Variants in MLLT10 observed in about 807,000 individuals in gnomAD.
MLLT10 encodes MLLT10 histone lysine methyltransferase DOT1L cofactor.
In MLLT10, 30 loss-of-function variants were observed where a neutral mutation model predicts 129.1. The ratio of observed to expected loss-of-function variants is 0.23; its 90% CI spans 0.17 to 0.32. MLLT10 has a LOEUF of 0.32. MLLT10 is among the 10% of genes least tolerant of loss of function. The pLI is 1.00. For synonymous variants in MLLT10, 490 were observed against 446.4 expected (o/e 1.10, Z -1.23); for missense variants, 1,119 against 1,268.3 (o/e 0.88, Z 1.79).
At chr10:21,638,411 C>T (rs1374057454) in intron 8 of MLLT10, among the ~76,000 whole-genome samples, 1 of 152,032 alleles carries the variant, frequency 6.6e-6, no homozygotes, top group East Asian at 1.9e-4. Context: ...TTTAATTCCC[C>T]AAAGACCCCA....
At chr10:21,584,796 T>TAA (rs1374331187) in intron 3 of MLLT10, among the ~76,000 whole-genome samples, 3 of 151,814 alleles carry the variant, frequency 2.0e-5, no homozygotes, top group Non-Finnish European at 2.9e-5. Flanking sequence ...TATATATATA[T>TAA]AATGTGTGTG....
chr10:21,687,234 A>G (rs2053397333), intron 13 of MLLT10, among the ~76,000 whole-genome samples: 1 of 152,192 alleles, frequency 6.6e-6, no homozygotes, highest in African/African-American at 2.4e-5. Flanking sequence ...AGAGGTGAAC[A>G]TTCTCCCTCA....
In MLLT10 at chr10:21,556,521, G is replaced by C. The variant is rs189239254; in HGVS notation, c.240+17609G>C. 2.9e-4 allele frequency: 194 copies of C among 679,044 alleles called. 1 individual carries two copies. In the Admixed American group the frequency reaches 3.2e-3, roughly 11 times the overall value. 42.1% of individuals were successfully genotyped at this position (679,044 alleles called of 1,614,324 possible). Reference sequence around the variant, plus strand: ...TTCTTCAGCTGCTCCTGGTGTCTCTGAGTGTAGATTTCTTCCATTTACCCT... The same window carrying C: ...TTCTTCAGCTGCTCCTGGTGTCTCTCAGTGTAGATTTCTTCCATTTACCCT... On this transcript the variant is annotated intron_variant, in intron 3 of 22. Transcript: ENST00000307729.
At chr10:21,665,301 TG>T (rs60935994) in intron 9 of MLLT10, among the ~76,000 whole-genome samples, 13,795 of 112,302 alleles carry the variant, frequency 0.12, 1,176 homozygotes, top group African/African-American at 0.26. Context: ...TTGTTTTTTT[TG>T]GGGGGGGGGG....
In MLLT10 at chr10:21,673,852, A is replaced by G. The variant is rs780839637; in HGVS notation, c.1554A>G (p.Lys518=). 2 of 1,614,020 alleles carry G rather than the reference A, an allele frequency of 1.2e-6. No individual in the cohort carries two copies. Among genetic ancestry groups the G allele is most frequent in the Non-Finnish European group, 1.7e-6 (2 of 1,179,952 alleles). ...AGSITSSSLQ[K]SPTLLRNGSL... Reference sequence around the variant, plus strand: ...GCATAACAAGCTCTAGTCTGCAGAAATCTCCTACATTGCTCAGGAATGGAA... The same window carrying G: ...GCATAACAAGCTCTAGTCTGCAGAAGTCTCCTACATTGCTCAGGAATGGAA... The change falls in exon 11 of 23, where the codon AAA becomes AAG. Residue 518 remains lysine, a synonymous_variant. Transcript: ENST00000307729.
At chr10:21,613,129 G>A (rs1214724285) in intron 6 of MLLT10, among the ~76,000 whole-genome samples, 1 of 137,260 alleles carries the variant, frequency 7.3e-6, no homozygotes, top group Non-Finnish European at 1.5e-5. Context: ...GGGAGGTGGA[G>A]TTTGCAGTGA....
At chr10:21,634,272 A>T (rs1430057056) in intron 8 of MLLT10, among the ~76,000 whole-genome samples, 2 of 152,120 alleles carry the variant, frequency 1.3e-5, no homozygotes, top group African/African-American at 4.8e-5. Flanking sequence ...CTTTCATGAC[A>T]TTGACATTTT....
chr10:21,719,555 G>A lies in MLLT10; in HGVS notation c.1878+5605G>A, dbSNP rs77526242. 1.0e-3 allele frequency among the ~76,000 whole-genome samples: 153 copies of A among 152,238 alleles called. 1 individual carries two copies. Among genetic ancestry groups the A allele is most frequent in the African/African-American group, 3.6e-3 (148 of 41,554 alleles). ...GCTAAGAGGTATCTCCTTGGAAAAC[G>A]TTGTTAGTAATTTTACTGTGTTCAT... On this transcript the variant is annotated intron_variant, in intron 14 of 22. Transcript: ENST00000307729.
intron 8 of MLLT10, among the ~76,000 whole-genome samples, chr10:21,630,287 A>T (rs1365500724): frequency 6.6e-6 from 1 of 152,248 alleles, no homozygotes; most frequent in Non-Finnish European, 1.5e-5. Context: ...TACAGGAGAT[A>T]TTGGAGCATG....
In MLLT10 at chr10:21,734,090, C is replaced by G. The variant is rs771146817; in HGVS notation, c.2819C>G (p.Pro940Arg). The change falls in exon 20 of 23, where the codon CCT (proline) becomes CGT (arginine). Residue 940 changes from proline (P) to arginine (R), a missense_variant. This residue lies in a region of MLLT10 where 1,004 missense variants were observed against 1,008.7 expected (regional missense o/e 1.00). Coordinates refer to ENST00000307729, the MANE Select transcript of MLLT10 (RefSeq NM_001195626.3). ...PTPLTHTTVP[P>R]NATHPMPATL... Reference sequence around the variant, plus strand: ...CCTCTCACCCACACAACCGTACCACCTAATGCAACACATCCAATGCCAGCT... The same window carrying G: ...CCTCTCACCCACACAACCGTACCACGTAATGCAACACATCCAATGCCAGCT... The G allele has an allele frequency of 1.9e-6, 3 of 1,613,118 alleles. No individual in the cohort carries two copies. Among genetic ancestry groups the G allele is most frequent in the Admixed American group, 3.3e-5 (2 of 59,966 alleles).
chr10:21,724,590 C>A (rs2057349445), intron 14 of MLLT10, among the ~76,000 whole-genome samples: 1 of 152,138 alleles, frequency 6.6e-6, no homozygotes, highest in Non-Finnish European at 1.5e-5. Context: ...TGATTTCATT[C>A]ATGAAAAAGA....
rs1384731174 is a variant in MLLT10, at chr10:21,571,500, C to T, written c.241-14794C>T. On this transcript the variant is annotated intron_variant, in intron 3 of 22. Coordinates refer to ENST00000307729, the MANE Select transcript of MLLT10 (RefSeq NM_001195626.3). ...CAAGGCAGTAAGCTGGGCACACGTG[C>T]GGCCCATTTGTTTTTTGTCTTCCAG... Among the ~76,000 whole-genome samples the T allele has an allele frequency of 2.6e-5, 4 of 152,184 alleles. No homozygotes were observed. The East Asian group carries it at 5.8e-4, about 22-fold the overall frequency.
At chr10:21,587,678 C>T (rs529719078) in intron 4 of MLLT10, among the ~76,000 whole-genome samples, 6 of 152,210 alleles carry the variant, frequency 3.9e-5, no homozygotes, top group Admixed American at 3.3e-4. Context: ...TGGGTAGCCA[C>T]TTCTAAAGTA....
At chr10:21,614,956 T>A in intron 7 of MLLT10, 32 bp downstream of exon 7, 1 of 1,520,076 alleles carries the variant, frequency 6.6e-7, no homozygotes, top group Non-Finnish European at 9.0e-7. Context: ...AATGAAATGA[T>A]TATGATTAGT....
chr10:21,738,619 C>G, intron 21 of MLLT10: 2 of 1,167,510 alleles, frequency 1.7e-6, no homozygotes, highest in Non-Finnish European at 2.2e-6. Flanking sequence ...CTTGACTCTG[C>G]TTCCCCCAGA....
At chr10:21,614,228 A>G (rs1306672588) in intron 6 of MLLT10, among the ~76,000 whole-genome samples, 4 of 129,262 alleles carry the variant, frequency 3.1e-5, no homozygotes, top group Admixed American at 3.0e-4. Flanking sequence ...TTTTTTTCAA[A>G]AAAAAAAAAA....
intron 8 of MLLT10, among the ~76,000 whole-genome samples, chr10:21,635,718 T>G (rs1445211669): frequency 6.6e-6 from 1 of 151,660 alleles, no homozygotes; most frequent in Non-Finnish European, 1.5e-5. Flanking sequence ...TTTCTCTTGC[T>G]GTTTTTTGTT....
intron 5 of MLLT10, among the ~76,000 whole-genome samples, chr10:21,611,406 T>A (rs181305026): frequency 2.6e-5 from 4 of 152,202 alleles, no homozygotes; most frequent in Non-Finnish European, 5.9e-5. Flanking sequence ...TTGCATGGTG[T>A]TATTTGGCAC....
At chr10:21,600,102 A>G (rs2043380026) in intron 5 of MLLT10, among the ~76,000 whole-genome samples, 1 of 152,190 alleles carries the variant, frequency 6.6e-6, no homozygotes, top group Non-Finnish European at 1.5e-5. Context: ...TCATTACTAA[A>G]TTATTGAATA....
Sources: allele counts gnomAD v4.1 joint callset (sites outside exome capture counted in the v4.1 genomes callset), GRCh38; gene constraint gnomAD v4.1.1; regional missense constraint gnomAD v4.1.1; transcripts MANE v1.5; gene names NCBI Gene and HGNC (gene_info 2026-07-23, HGNC 2026-07-21).